The following CSMD1 variants were observed in gnomAD, a reference collection of about 807,000 sequenced individuals.
The protein encoded by CSMD1 is CUB and sushi domain-containing protein 1.
CSMD1 carries 213 observed loss-of-function variants against 417.5 expected under a neutral mutation model. That is an observed-to-expected ratio of 0.51 (90% CI 0.46 to 0.57). The LOEUF (loss-of-function observed/expected upper bound fraction) is 0.57, where lower values mean the gene tolerates loss of function less well. Ranked by LOEUF, CSMD1 falls within the 20% of genes least tolerant of loss-of-function variation. The probability of loss-of-function intolerance (pLI) is 0.00; values close to 1 mark genes in which losing one functional copy is unlikely to be tolerated. For synonymous variants in CSMD1, 2,862 were observed against 1,736.8 expected (o/e 1.65, Z -16.11); for missense variants, 6,923 against 4,529.7 (o/e 1.53, Z -15.17).
intron 54 of CSMD1, among the ~76,000 whole-genome samples, chr8:2,980,687 G>A (rs1259408903): frequency 1.3e-5 from 2 of 152,148 alleles, no homozygotes; most frequent in African/African-American, 4.8e-5. Context: ...TCATAACCTT[G>A]CTCTGAAACT....
chr8:3,501,672 T>C (rs564726163), intron 10 of CSMD1, among the ~76,000 whole-genome samples: 357 of 152,318 alleles, frequency 2.3e-3, no homozygotes, highest in African/African-American at 8.2e-3. Flanking sequence ...AAGAAAGGCC[T>C]TTCAAACAGT....
At chr8:4,700,962 G>T (rs373339486) in intron 1 of CSMD1, among the ~76,000 whole-genome samples, 18 of 152,260 alleles carry the variant, frequency 1.2e-4, no homozygotes, top group African/African-American at 3.8e-4. Flanking sequence ...TCGGTCTCCT[G>T]CATGTACATA....
chr8:3,078,524 A>C (rs755601097), intron 49 of CSMD1, among the ~76,000 whole-genome samples: 3 of 152,198 alleles, frequency 2.0e-5, no homozygotes, highest in Non-Finnish European at 4.4e-5. Context: ...CTGATCTTGG[A>C]AGATTAATTT....
At chr8:4,348,314 G>C (rs182327145) in intron 3 of CSMD1, among the ~76,000 whole-genome samples, 4 of 152,142 alleles carry the variant, frequency 2.6e-5, no homozygotes, top group East Asian at 3.9e-4. Flanking sequence ...GGATGCCTTT[G>C]TAAGAGTGTG....
At chr8:3,840,387 G>T (rs568021523) in intron 5 of CSMD1, among the ~76,000 whole-genome samples, 2 of 152,186 alleles carry the variant, frequency 1.3e-5, no homozygotes, top group East Asian at 3.9e-4. Context: ...GAGAATAATA[G>T]TGTGTAAATA....
chr8:4,083,991 T>C (rs903042713), intron 3 of CSMD1, among the ~76,000 whole-genome samples: 9 of 151,846 alleles, frequency 5.9e-5, no homozygotes, highest in African/African-American at 2.2e-4. Context: ...TCAAACAAAT[T>C]TACAAGAAAA....
chr8:4,113,397 T>A, intron 3 of CSMD1, among the ~76,000 whole-genome samples: 1 of 126,534 alleles, frequency 7.9e-6, no homozygotes, highest in East Asian at 2.0e-4. Flanking sequence ...GGGCTTTTTT[T>A]TTTTTTTTTT....
At chr8:3,536,701 G>C (rs1025982928) in intron 10 of CSMD1, among the ~76,000 whole-genome samples, 1 of 152,158 alleles carries the variant, frequency 6.6e-6, no homozygotes, top group African/African-American at 2.4e-5. Flanking sequence ...TGTGCCCTCA[G>C]AGCAGCCTCC....
chr8:4,922,800 T>C (rs542090922), intron 1 of CSMD1, among the ~76,000 whole-genome samples: 1 of 152,160 alleles, frequency 6.6e-6, no homozygotes, highest in African/African-American at 2.4e-5. Context: ...CCAAGAAGTG[T>C]TTCCTTCTAC....
chr8:4,782,785 T>C (rs191076560), intron 1 of CSMD1, among the ~76,000 whole-genome samples: 1 of 152,194 alleles, frequency 6.6e-6, no homozygotes, highest in Non-Finnish European at 1.5e-5. Context: ...GTTTCCAAGA[T>C]TCCTGATTAT....
chr8:4,595,916 C>T (rs958132975), intron 2 of CSMD1, among the ~76,000 whole-genome samples: 4 of 152,058 alleles, frequency 2.6e-5, no homozygotes, highest in African/African-American at 9.7e-5. Flanking sequence ...CTCTTAAGGC[C>T]TGACTGTAAA....
intron 5 of CSMD1, among the ~76,000 whole-genome samples, chr8:3,983,783 C>T (rs1006555336): frequency 3.9e-5 from 6 of 152,128 alleles, no homozygotes; most frequent in African/African-American, 7.2e-5. Flanking sequence ...CTCTAGAGCA[C>T]GTCGCAGTTC....
chr8:2,959,967 G>A (rs1363638682), intron 62 of CSMD1, among the ~76,000 whole-genome samples: 1 of 152,106 alleles, frequency 6.6e-6, no homozygotes, highest in Non-Finnish European at 1.5e-5. Flanking sequence ...TATAAGGAGG[G>A]TGAAGGATTT....
chr8:4,427,503 ACAC>A (rs1797631264), intron 2 of CSMD1, among the ~76,000 whole-genome samples: 1 of 151,964 alleles, frequency 6.6e-6, no homozygotes. Context: ...ACACACACAC[ACAC>A]ACACACATGC....
At chr8:3,315,481 A>C (rs1448428449) in intron 23 of CSMD1, among the ~76,000 whole-genome samples, 1 of 129,492 alleles carries the variant, frequency 7.7e-6, no homozygotes, top group African/African-American at 2.7e-5. Flanking sequence ...ACTATCTTTT[A>C]AATTATTTAT....
At chr8:3,302,742 G>C (rs768780965) in intron 25 of CSMD1, among the ~76,000 whole-genome samples, 14 of 152,190 alleles carry the variant, frequency 9.2e-5, no homozygotes, top group Non-Finnish European at 1.9e-4. Context: ...TAGTGATGTA[G>C]GAACTGAAGA....
chr8:4,354,767 C>A (rs1032857495), intron 3 of CSMD1, among the ~76,000 whole-genome samples: 1 of 151,738 alleles, frequency 6.6e-6, no homozygotes, highest in African/African-American at 2.4e-5. Flanking sequence ...TTATAGATTT[C>A]CCCCCTCCCA....
chr8:3,962,412 G>C (rs1438143491), intron 5 of CSMD1, among the ~76,000 whole-genome samples: 2 of 152,152 alleles, frequency 1.3e-5, no homozygotes, highest in Admixed American at 6.5e-5. Flanking sequence ...TGAATTCAAG[G>C]TCTACCACCC....
chr8:4,455,008 C>G (rs974448529), intron 2 of CSMD1, among the ~76,000 whole-genome samples: 1 of 152,020 alleles, frequency 6.6e-6, no homozygotes, highest in Admixed American at 6.5e-5. Context: ...CTGTGTGTTG[C>G]TATCCCAGTG....
Sources: allele counts gnomAD v4.1 joint callset (sites outside exome capture counted in the v4.1 genomes callset), GRCh38; gene constraint gnomAD v4.1.1; transcripts MANE v1.5; gene names NCBI Gene and HGNC (gene_info 2026-07-23, HGNC 2026-07-21).